The following PEX3 variants were observed in gnomAD, a reference collection of about 807,000 sequenced individuals.
PEX3 encodes the protein peroxin-3.
PEX3 carries 30 observed loss-of-function variants against 55.8 expected under a neutral mutation model. That is an observed-to-expected ratio of 0.54 (90% CI 0.40 to 0.73). PEX3 has a LOEUF of 0.73. PEX3 is among the 30% of genes least tolerant of loss of function. The probability of loss-of-function intolerance (pLI) is 0.00; values close to 1 mark genes in which losing one functional copy is unlikely to be tolerated. For missense variants in PEX3, 351 were observed against 432.8 expected (o/e 0.81, Z 1.68); for synonymous variants, 135 against 148.4 (o/e 0.91, Z 0.66).
chr6:143,471,520 C>T lies in PEX3; in HGVS notation c.524-37C>T. 6.3e-7 allele frequency: 1 copy of T among 1,580,858 alleles called. No individual in the cohort carries two copies. Among genetic ancestry groups the T allele is most frequent in the South Asian group, 1.1e-5 (1 of 89,772 alleles). ...TTTTTATTATTGAGGAATTTTTAAA[C>T]TAAGCAAGGCTTTTAGGTTTGTTTT... On this transcript the variant is annotated intron_variant, in intron 6 of 11. Transcript: ENST00000367591. This position sits in a 1 kb window ranked among gnomAD's most constrained non-coding sequence, Gnocchi z 5.4.
chr6:143,452,050 CT>C, intron 1 of PEX3, among the ~76,000 whole-genome samples: 1 of 152,286 alleles, frequency 6.6e-6, no homozygotes, highest in Non-Finnish European at 1.5e-5. Flanking sequence ...TGGCTTTTCT[CT>C]TAGTATTAGA....
intron 1 of PEX3, among the ~76,000 whole-genome samples, chr6:143,457,420 A>T (rs1779861902): frequency 6.6e-6 from 1 of 152,180 alleles, no homozygotes; most frequent in Non-Finnish European, 1.5e-5. Flanking sequence ...TGTAGTTCTA[A>T]TTGTTTTTAG....
chr6:143,460,126 G>A (rs1350477081), intron 2 of PEX3, among the ~76,000 whole-genome samples: 5 of 152,076 alleles, frequency 3.3e-5, no homozygotes, highest in Admixed American at 2.0e-4. Context: ...ATTTATAAAG[G>A]TACATTCTCC....
chr6:143,471,038 G>C lies in PEX3; in HGVS notation c.409G>C (p.Gly137Arg). 1 of 1,612,670 alleles carries C rather than the reference G, an allele frequency of 6.2e-7. No homozygotes were observed. The change falls in exon 5 of 12, where the codon GGT becomes CGT. Residue 137 changes from glycine to arginine, a missense_variant. Physicochemically the swap from Gly to Arg is moderately radical, Grantham distance 125. Coordinates refer to ENST00000367591, the MANE Select transcript of PEX3 (RefSeq NM_003630.3). This position sits in a 1 kb window ranked among gnomAD's most constrained non-coding sequence, Gnocchi z 5.4. The stretch of plus-strand genomic sequence containing the variant: ...TTTGCGGGTCCAGTTAAACATAATT[G>C]GTGGATATATTTACCTGGATAATGC... ...VLLRVQLNII[G>R]GYIYLDNAAV...
rs1439040114 is a variant in PEX3 at position 143,458,734 on chromosome 6, A to G, written c.74-351A>G. 2.6e-5 allele frequency among the ~76,000 whole-genome samples: 4 copies of G among 152,220 alleles called. No individual in the cohort carries two copies. Among genetic ancestry groups the G allele is most frequent in the Non-Finnish European group, 5.9e-5 (4 of 68,040 alleles). Reference sequence around the variant, plus strand: ...TAGCAATGTGGTTTTTAATAACTACATAAGATTTCGTTGTATGGCTAGACT... The same window carrying G: ...TAGCAATGTGGTTTTTAATAACTACGTAAGATTTCGTTGTATGGCTAGACT... On this transcript the variant is annotated intron_variant, in intron 1 of 11. Coordinates refer to ENST00000367591, the MANE Select transcript of PEX3 (RefSeq NM_003630.3). The surrounding 1 kb of genome is among the most constrained non-coding windows in gnomAD (Gnocchi z 6.1).
intron 9 of PEX3, among the ~76,000 whole-genome samples, chr6:143,477,779 G>A (rs1447732371): frequency 1.3e-5 from 2 of 152,072 alleles, no homozygotes; most frequent in East Asian, 1.9e-4. Flanking sequence ...ACCCTAGGAG[G>A]TAGGTACTAT....
rs1780345070 is a variant in PEX3, at chr6:143,488,288, C to T, written c.1039-855C>T. Among the ~76,000 whole-genome samples, 1 of 152,102 alleles carries T rather than the reference C, an allele frequency of 6.6e-6. No homozygotes were observed. On this transcript the variant is annotated intron_variant, in intron 11 of 11. Transcript: ENST00000367591. This position sits in a 1 kb window ranked among gnomAD's most constrained non-coding sequence, Gnocchi z 4.9. ...ACCTTTTCTATCATGGACCCTTTCACAGACTGGTGAAGCCTATGGACCCCT... is the reference window on the plus strand; with the variant it reads ...ACCTTTTCTATCATGGACCCTTTCATAGACTGGTGAAGCCTATGGACCCCT...
At position 143,486,372 on chromosome 6, in the gene PEX3, T is replaced by C. The variant is rs1484343072; in HGVS notation, c.1038+1124T>C. Among the ~76,000 whole-genome samples, 2 of 152,084 alleles carry C rather than the reference T, an allele frequency of 1.3e-5. No homozygotes were observed. Among genetic ancestry groups the C allele is most frequent in the Admixed American group, 1.3e-4 (2 of 15,244 alleles). ...GTTCATTTTGACAGATGAGTGGAAA[T>C]TACAACCAAGCATAAAGCATCATCA... On this transcript the variant is annotated intron_variant, in intron 11 of 11. Coordinates refer to ENST00000367591, the MANE Select transcript of PEX3 (RefSeq NM_003630.3). The surrounding 1 kb of genome is among the most constrained non-coding windows in gnomAD (Gnocchi z 5.0).
At chr6:143,481,442 A>G (rs1348597918) in intron 10 of PEX3, among the ~76,000 whole-genome samples, 1 of 151,936 alleles carries the variant, frequency 6.6e-6, no homozygotes, top group African/African-American at 2.4e-5. Flanking sequence ...GAAAAATTAA[A>G]TAACTTCAGG....
At chr6:143,456,926 A>C (rs1779854732) in intron 1 of PEX3, among the ~76,000 whole-genome samples, 1 of 152,208 alleles carries the variant, frequency 6.6e-6, no homozygotes, top group Non-Finnish European at 1.5e-5. Flanking sequence ...GATATAGACC[A>C]AATGTACACA....
At chr6:143,473,640 G>C (rs972473047) in intron 8 of PEX3, among the ~76,000 whole-genome samples, 8 of 152,108 alleles carry the variant, frequency 5.3e-5, no homozygotes, top group African/African-American at 7.2e-5. Flanking sequence ...TGACGGGGAG[G>C]ATCACTTGGG....
intron 2 of PEX3, among the ~76,000 whole-genome samples, chr6:143,461,055 G>A (rs1041886586): frequency 4.6e-5 from 7 of 152,146 alleles, no homozygotes; most frequent in East Asian, 3.9e-4. Flanking sequence ...GAAGGCAAGC[G>A]AAGCATTTAG....
chr6:143,462,950 A>G lies in PEX3; in HGVS notation c.240A>G (p.Leu80=), dbSNP rs751969601. Residue 80 remains leucine (L), a synonymous_variant, in exon 3 of 12, where the codon TTA becomes TTG. Coordinates refer to ENST00000367591, the MANE Select transcript of PEX3 (RefSeq NM_003630.3). This position sits in a 1 kb window ranked among gnomAD's most constrained non-coding sequence, Gnocchi z 4.1. ...TGCTTCCAACACTGAGAGAGGCCTTAATGCAGCAACTGAATTCCGAGAGCC... is the reference window on the plus strand; with the variant it reads ...TGCTTCCAACACTGAGAGAGGCCTTGATGCAGCAACTGAATTCCGAGAGCC... ...LSMLPTLREA[L]MQQLNSESLT... is the part of the protein sequence containing the mutation. 1 of 1,613,862 alleles carries G rather than the reference A, an allele frequency of 6.2e-7. No individual in the cohort carries two copies. The highest frequency in any genetic ancestry group is 8.5e-7 in the Non-Finnish European group (1 of 1,179,820).
rs192530447 is a variant in PEX3 at position 143,488,680 on chromosome 6, C to G, written c.1039-463C>G. On this transcript the variant is annotated intron_variant, in intron 11 of 11. Coordinates refer to ENST00000367591, the MANE Select transcript of PEX3 (RefSeq NM_003630.3). This position sits in a 1 kb window ranked among gnomAD's most constrained non-coding sequence, Gnocchi z 4.9. ...CAAATCCCTTGGGGTGTTAATAACC[C>G]TTACACTATAGTGTATATGTGTGGT... 3.9e-5 allele frequency among the ~76,000 whole-genome samples: 6 copies of G among 152,144 alleles called. No homozygotes were observed. The highest frequency in any genetic ancestry group is 2.9e-5 in the Non-Finnish European group (2 of 67,944).
In PEX3 at chr6:143,476,027, T is replaced by C. The variant is rs1295483944; in HGVS notation, c.818+1171T>C. On this transcript the variant is annotated intron_variant, in intron 9 of 11. Transcript: ENST00000367591. The surrounding 1 kb of genome is among the most constrained non-coding windows in gnomAD (Gnocchi z 5.4). ...AATAAATTTGATGTAATGTCAAGTA[T>C]GTATAACTTTGTTGATGAAACACAA... 3.3e-5 allele frequency among the ~76,000 whole-genome samples: 5 copies of C among 152,198 alleles called. No individual in the cohort carries two copies. The highest frequency in any genetic ancestry group is 1.2e-4 in the African/African-American group (5 of 41,454).
At chr6:143,478,592 A>G (rs1413933542) in intron 9 of PEX3, among the ~76,000 whole-genome samples, 1 of 152,020 alleles carries the variant, frequency 6.6e-6, no homozygotes, top group Non-Finnish European at 1.5e-5. Flanking sequence ...GTGAGGAACT[A>G]AGAGAGTATA....
chr6:143,477,439 A>T (rs1256803400), intron 9 of PEX3, among the ~76,000 whole-genome samples: 2 of 150,934 alleles, frequency 1.3e-5, no homozygotes, highest in African/African-American at 4.9e-5. Flanking sequence ...AGAAAAGCTC[A>T]TTAATTTTAA....
At chr6:143,456,016 C>A (rs1386040493) in intron 1 of PEX3, among the ~76,000 whole-genome samples, 1 of 152,086 alleles carries the variant, frequency 6.6e-6, no homozygotes, top group African/African-American at 2.4e-5. Flanking sequence ...GACTAGAAGT[C>A]TTATTTTCTA....
intron 4 of PEX3, among the ~76,000 whole-genome samples, chr6:143,468,820 A>ACGACAGGCCCCAGTGT (rs1780030363): frequency 2.1e-5 from 1 of 47,960 alleles, no homozygotes; most frequent in African/African-American, 8.5e-5. Context: ...CCCCCACCCC[A>ACGACAGGCCCCAGTGT]CGACAGGCCC....
Sources: gnomAD v4.1 joint callset for allele counts (sites outside exome capture counted in the v4.1 genomes callset) on GRCh38, gnomAD v4.1.1 for gene constraint, Gnocchi (gnomAD v3.1) non-coding constraint, MANE v1.5 for transcripts, NCBI Gene and HGNC (gene_info 2026-07-23, HGNC 2026-07-21) for gene names.